The following TET3 variants were observed in gnomAD, a reference collection of about 807,000 sequenced individuals.
TET3 encodes methylcytosine dioxygenase TET3.
In TET3, 19 loss-of-function variants were observed where a neutral mutation model predicts 141.4. That is an observed-to-expected ratio of 0.13 (90% CI 0.09 to 0.20). The LOEUF (loss-of-function observed/expected upper bound fraction) is 0.20, where lower values mean the gene tolerates loss of function less well. Among genes scored for constraint, TET3 ranks in the 10% least tolerant of loss-of-function variants. TET3 has a pLI of 1.00. For missense variants in TET3, 1,874 were observed against 2,356.9 expected (o/e 0.80, Z 4.24); for synonymous variants, 1,043 against 980.9 (o/e 1.06, Z -1.18).
intron 3 of TET3, among the ~76,000 whole-genome samples, chr2:74,044,663 C>T (rs570487882): frequency 1.1e-4 from 17 of 152,290 alleles, no homozygotes; most frequent in African/African-American, 3.8e-4. Flanking sequence ...CCCAGCATCG[C>T]GAAAGTGTTG....
intron 10 of TET3, among the ~76,000 whole-genome samples, chr2:74,095,625 G>A (rs1305671517): frequency 6.6e-6 from 1 of 152,186 alleles, no homozygotes; most frequent in Non-Finnish European, 1.5e-5. Flanking sequence ...TTACCCAGAT[G>A]GGGTCACATT....
At chr2:73,994,737 G>A (rs1478207051) in intron 2 of TET3, among the ~76,000 whole-genome samples, 7 of 145,350 alleles carry the variant, frequency 4.8e-5, no homozygotes, top group Non-Finnish European at 9.0e-5. Flanking sequence ...TCCCAGGTTC[G>A]AGCAATTTTC....
chr2:74,039,836 A>T (rs575513741), intron 3 of TET3, among the ~76,000 whole-genome samples: 13 of 152,314 alleles, frequency 8.5e-5, no homozygotes, highest in Admixed American at 8.5e-4. Context: ...GCTTCCTCAC[A>T]GCATGGTGAC....
upstream of TET3, among the ~76,000 whole-genome samples, chr2:73,984,042 ACC>A (rs1683875672): frequency 6.6e-6 from 1 of 152,170 alleles, no homozygotes; most frequent in Non-Finnish European, 1.5e-5. The surrounding 1 kb of genome is among the most constrained non-coding windows in gnomAD (Gnocchi z 5.6). Flanking sequence ...CCTGCCCCTT[ACC>A]CCCTGCCTGG....
intron 3 of TET3, among the ~76,000 whole-genome samples, chr2:74,026,106 C>T (rs896611248): frequency 6.6e-6 from 1 of 152,134 alleles, no homozygotes; most frequent in Non-Finnish European, 1.5e-5. Flanking sequence ...CTGCTCTCCC[C>T]TTTGCCCCTC....
chr2:74,039,620 C>T (rs1687241025), intron 3 of TET3, among the ~76,000 whole-genome samples: 1 of 152,184 alleles, frequency 6.6e-6, no homozygotes, highest in Admixed American at 6.5e-5. Context: ...TCAGAAGTGA[C>T]AACAGCATGG....
rs1468808483 is a variant in TET3, at chr2:74,087,670, G to A, written c.2680-160G>A. Among the ~76,000 whole-genome samples, 3 of 151,996 alleles carry A rather than the reference G, an allele frequency of 2.0e-5. No individual in the cohort carries two copies. Among genetic ancestry groups the A allele is most frequent in the African/African-American group, 7.3e-5 (3 of 41,354 alleles). ...TGTTCCCTATTTGTTCCCTAATAAT[G>A]GTCTCTTAGCTTGTAAGGTTGCTGT... On this transcript the variant is annotated intron_variant, in intron 6 of 11. Coordinates refer to ENST00000409262, the MANE Select transcript of TET3 (RefSeq NM_001287491.2). The surrounding 1 kb of genome is among the most constrained non-coding windows in gnomAD (Gnocchi z 4.3).
At chr2:74,004,375 C>G (rs1685041423) in intron 3 of TET3, among the ~76,000 whole-genome samples, 1 of 152,180 alleles carries the variant, frequency 6.6e-6, no homozygotes, top group African/African-American at 2.4e-5. Context: ...CTGGAAGTGG[C>G]ATCCTGCCAC....
At chr2:74,120,298 C>T in the TET3 span, among the ~76,000 whole-genome samples, 2 of 152,196 alleles carry the variant, frequency 1.3e-5, no homozygotes, top group Non-Finnish European at 2.9e-5. Context: ...GCCTCCACGG[C>T]GGCAGGGGGC....
At chr2:74,064,789 T>C (rs1688792067) in intron 4 of TET3, among the ~76,000 whole-genome samples, 2 of 152,188 alleles carry the variant, frequency 1.3e-5, no homozygotes, top group Non-Finnish European at 2.9e-5. Flanking sequence ...CCTAGAAATA[T>C]TGAAAAAATT....
chr2:74,109,238 CTCT>C (rs1381671208), downstream of TET3, among the ~76,000 whole-genome samples: 3 of 152,182 alleles, frequency 2.0e-5, no homozygotes, highest in African/African-American at 4.8e-5. Context: ...ATGCTGCCAT[CTCT>C]TCTTATACAA....
At chr2:74,078,554 A>C (rs1303159685) in intron 5 of TET3, among the ~76,000 whole-genome samples, 1 of 152,202 alleles carries the variant, frequency 6.6e-6, no homozygotes, top group Non-Finnish European at 1.5e-5. Context: ...AATGTATTTA[A>C]CCAGTCTCAT....
intron 3 of TET3, among the ~76,000 whole-genome samples, chr2:74,029,628 A>G (rs1340858984): frequency 2.0e-5 from 3 of 152,236 alleles, no homozygotes; most frequent in South Asian, 4.1e-4. Context: ...AATACAAACT[A>G]TAGTCATCTT....
At chr2:74,020,194 T>G (rs1685961277) in intron 3 of TET3, among the ~76,000 whole-genome samples, 1 of 152,200 alleles carries the variant, frequency 6.6e-6, no homozygotes, top group Non-Finnish European at 1.5e-5. Flanking sequence ...TTGCATTTGT[T>G]TTTCCCTTGA....
At chr2:73,999,795 G>A (rs181300757) in intron 2 of TET3, among the ~76,000 whole-genome samples, 2 of 152,250 alleles carry the variant, frequency 1.3e-5, no homozygotes, top group South Asian at 2.1e-4. Flanking sequence ...AGAGGGGAGC[G>A]GAGAGCATAC....
intron 7 of TET3, among the ~76,000 whole-genome samples, chr2:74,088,630 C>T (rs1690292456): frequency 6.6e-6 from 1 of 151,772 alleles, no homozygotes; most frequent in Admixed American, 6.6e-5. Context: ...AACAGTGAGA[C>T]TCTGTCTCAA....
intron 6 of TET3, 33 bp downstream of exon 6, chr2:74,080,624 G>A (rs768201540): frequency 6.3e-7 from 1 of 1,582,278 alleles, no homozygotes; most frequent in Non-Finnish European, 8.6e-7. Flanking sequence ...AGCCACAGCT[G>A]TGCCTGGTTC....
chr2:74,088,534 G>C (rs548245428), intron 7 of TET3, among the ~76,000 whole-genome samples: 1 of 152,062 alleles, frequency 6.6e-6, no homozygotes, highest in South Asian at 2.1e-4. Flanking sequence ...CCAGCTACTC[G>C]GGAGGCTGAG....
At chr2:74,114,496 A>G in the TET3 span, among the ~76,000 whole-genome samples, 1 of 152,188 alleles carries the variant, frequency 6.6e-6, no homozygotes, top group Non-Finnish European at 1.5e-5. Flanking sequence ...TGAATTGTAC[A>G]CTTAAAATCA....
Sources: gnomAD v4.1 joint callset for allele counts (sites outside exome capture counted in the v4.1 genomes callset) on GRCh38, gnomAD v4.1.1 for gene constraint, Gnocchi (gnomAD v3.1) non-coding constraint, MANE v1.5 for transcripts, NCBI Gene and HGNC (gene_info 2026-07-23, HGNC 2026-07-21) for gene names.